Variants in ZFPM1 observed in about 807,000 individuals in gnomAD.
The protein encoded by ZFPM1 is zinc finger protein ZFPM1.
A neutral mutation model predicts 46.3 loss-of-function variants in ZFPM1; 28 were observed. The observed-to-expected ratio is 0.60, with a 90% confidence interval of 0.45 to 0.83. The LOEUF is 0.83. Among genes scored for constraint, ZFPM1 ranks in the 40% least tolerant of loss-of-function variants. ZFPM1 has a pLI of 0.00. For synonymous variants in ZFPM1, 957 were observed against 675.9 expected (o/e 1.42, Z -6.45); for missense variants, 1,878 against 1,432.4 (o/e 1.31, Z -5.02).
intron 1 of ZFPM1, among the ~76,000 whole-genome samples, chr16:88,478,369 G>C (rs899439931): frequency 6.6e-6 from 1 of 152,234 alleles, no homozygotes; most frequent in African/African-American, 2.4e-5. Context: ...GCCAGGGGTG[G>C]GGCTGCTGCA....
Position 88,534,142 on chromosome 16 carries a change from G to A in ZFPM1, c.2184G>A (p.Ala728=), listed in dbSNP as rs1360055051. 4 of 998,414 alleles carry A rather than the reference G, an allele frequency of 4.0e-6. No homozygotes were observed. Among genetic ancestry groups the A allele is most frequent in the Non-Finnish European group, 3.6e-6 (3 of 843,148 alleles). The allele number at this position is 998,414 out of a possible 1,614,324, so 61.8% of individuals were successfully genotyped here. The change falls in exon 10 of 10, where the codon GCG becomes GCA. Residue 728 remains alanine (A), a synonymous_variant. Transcript: ENST00000319555. The part of the protein sequence containing the change: ...AAPPGPPGPA[A]PPAPSPAAPV... ...CCCCGGGACCCCCTGGGCCGGCCGCGCCCCCGGCCCCCTCTCCCGCCGCGC... is the reference window on the plus strand; with the variant it reads ...CCCCGGGACCCCCTGGGCCGGCCGCACCCCCGGCCCCCTCTCCCGCCGCGC...
rs765381904 is a variant in ZFPM1 at position 88,532,677 on chromosome 16, G to A, written c.1010G>A (p.Arg337Gln). ...SAFTTKANCE[R>Q]HLKVHTDTLS... ...TTCACCACCAAGGCCAACTGCGAGC[G>A]GCACCTCAAGGTGCACACGGACACG... The change falls in exon 8 of 10, where the codon CGG becomes CAG. Residue 337 changes from arginine to glutamine, a missense_variant. Coordinates refer to ENST00000319555, the MANE Select transcript of ZFPM1 (RefSeq NM_153813.3). 3.1e-6 allele frequency: 5 copies of A among 1,606,170 alleles called. No homozygotes were observed. Among genetic ancestry groups the A allele is most frequent in the Admixed American group, 1.7e-5 (1 of 58,844 alleles).
chr16:88,532,465 G>A lies in ZFPM1; in HGVS notation c.947-149G>A, dbSNP rs570475726. 1.6e-4 allele frequency: 142 copies of A among 889,678 alleles called. No homozygotes were observed. The Middle Eastern group carries it at 3.2e-3, about 20-fold the overall frequency. The allele number at this position is 889,678 out of a possible 1,614,324, so 55.1% of individuals were successfully genotyped here. ...CCCACTGCTGTCCCGAGAGACAAAAGGCGGAGGAGGAGGAGGAGGGGTTTA... is the reference window on the plus strand; with the variant it reads ...CCCACTGCTGTCCCGAGAGACAAAAAGCGGAGGAGGAGGAGGAGGGGTTTA... On this transcript the variant is annotated intron_variant, in intron 7 of 9. Transcript: ENST00000319555.
chr16:88,500,939 G>A (rs897212420), intron 3 of ZFPM1, among the ~76,000 whole-genome samples: 1 of 152,236 alleles, frequency 6.6e-6, no homozygotes, highest in African/African-American at 2.4e-5. Context: ...CCCTCCCTGT[G>A]GGGGTGCAGC....
chr16:88,531,775 G>C (rs988423227), intron 6 of ZFPM1, among the ~76,000 whole-genome samples: 7 of 152,182 alleles, frequency 4.6e-5, no homozygotes, highest in Non-Finnish European at 7.3e-5. Context: ...GGTTCACTCA[G>C]ACCCCACTCC....
At chr16:88,505,164 T>G (rs117345530) in intron 3 of ZFPM1, among the ~76,000 whole-genome samples, 13,283 of 152,186 alleles carry the variant, frequency 0.087, 708 homozygotes, top group African/African-American at 0.14. Context: ...CCTTCCTGCC[T>G]CTCCCTCGCC....
At position 88,536,485 on chromosome 16, in the gene ZFPM1, C is replaced by G. The variant is rs1913250270; in HGVS notation, c.*1506C>G. 6.6e-6 allele frequency: 1 copy of G among 152,266 alleles called. No homozygotes were observed. Among genetic ancestry groups the G allele is most frequent in the Non-Finnish European group, 1.5e-5 (1 of 68,052 alleles). 9.4% of individuals were successfully genotyped at this position (152,266 alleles called of 1,614,324 possible). ...TACCATTCCCAGCCCATTTCCAACT[C>G]TACTTGAACTAGCTGCATTTTTTTC... is the stretch of plus-strand genomic sequence containing the variant. On this transcript the variant is annotated 3_prime_UTR_variant, in exon 10 of 10. Transcript: ENST00000319555.
chr16:88,503,328 G>C (rs535971167), intron 3 of ZFPM1, among the ~76,000 whole-genome samples: 30 of 145,580 alleles, frequency 2.1e-4, no homozygotes, highest in African/African-American at 7.5e-4. Flanking sequence ...TTCCTGAGTG[G>C]AGGGATCTGT....
intron 3 of ZFPM1, among the ~76,000 whole-genome samples, chr16:88,499,078 T>C (rs1228411350): frequency 6.6e-6 from 1 of 152,250 alleles, no homozygotes; most frequent in East Asian, 1.9e-4. Context: ...CTCCCCTTCC[T>C]TCATCCCCAG....
intron 1 of ZFPM1, among the ~76,000 whole-genome samples, chr16:88,466,905 C>A (rs1908158701): frequency 6.6e-6 from 1 of 152,000 alleles, no homozygotes; most frequent in Admixed American, 6.6e-5. Context: ...GGAATTAGGG[C>A]AGAAGTGGGT....
At chr16:88,462,235 G>T (rs79247579) in intron 1 of ZFPM1, among the ~76,000 whole-genome samples, 3,683 of 152,306 alleles carry the variant, frequency 0.024, 140 homozygotes, top group African/African-American at 0.084. Flanking sequence ...CTGTGAAATG[G>T]GTGTTGGGGG....
chr16:88,486,175 T>C, intron 2 of ZFPM1, 132 bp downstream of exon 2: 1 of 963,298 alleles, frequency 1.0e-6, no homozygotes, highest in East Asian at 2.7e-5. Flanking sequence ...GACAGGCGTC[T>C]TCCAGCCAGA....
chr16:88,462,616 C>T (rs764289481), intron 1 of ZFPM1, among the ~76,000 whole-genome samples: 1 of 152,186 alleles, frequency 6.6e-6, no homozygotes, highest in Non-Finnish European at 1.5e-5. Context: ...GCAGCCACCG[C>T]GGGCTTCCGG....
At chr16:88,503,706 G>A (rs1910503488) in intron 3 of ZFPM1, among the ~76,000 whole-genome samples, 1 of 152,190 alleles carries the variant, frequency 6.6e-6, no homozygotes, top group Non-Finnish European at 1.5e-5. Flanking sequence ...TTTAGAAGAG[G>A]AGACACATTC....
rs990429969 is a variant in ZFPM1, at chr16:88,533,699, G to C, written c.1741G>C (p.Glu581Gln). 8.6e-6 allele frequency: 13 copies of C among 1,509,214 alleles called. No homozygotes were observed. Among genetic ancestry groups the C allele is most frequent in the Non-Finnish European group, 1.2e-5 (13 of 1,123,606 alleles). The allele number at this position is 1,509,214 out of a possible 1,614,324, so 93.5% of individuals were successfully genotyped here. Residue 581 changes from glutamate (E) to glutamine (Q), a missense_variant, in exon 10 of 10, where the codon GAG (glutamate) becomes CAG (glutamine). Coordinates refer to ENST00000319555, the MANE Select transcript of ZFPM1 (RefSeq NM_153813.3). ...GGCCCCCAAGGGCGCTACGTGCTTC[G>C]AGTGCGAGATCACCTTCAGCAACGT... ...PGAPKGATCF[E>Q]CEITFSNVNN...
intron 1 of ZFPM1, among the ~76,000 whole-genome samples, chr16:88,456,070 C>T (rs1399083046): frequency 6.6e-6 from 1 of 152,218 alleles, no homozygotes; most frequent in African/African-American, 2.4e-5. Flanking sequence ...GGGCTTGGAA[C>T]GGCCCGGGTT....
chr16:88,525,275 GA>G (rs1191724239), intron 4 of ZFPM1, among the ~76,000 whole-genome samples: 1 of 152,228 alleles, frequency 6.6e-6, no homozygotes, highest in Non-Finnish European at 1.5e-5. Context: ...CAAAGTCCAG[GA>G]AAGCTCATGG....
intron 7 of ZFPM1, 55 bp downstream of exon 7, chr16:88,532,290 G>C (rs1912850625): frequency 1.3e-6 from 2 of 1,497,278 alleles, no homozygotes; most frequent in Admixed American, 2.1e-5. Context: ...TCCCCACCCA[G>C]TCCCGCAGGC....
intron 4 of ZFPM1, among the ~76,000 whole-genome samples, chr16:88,523,341 GAC>G (rs958162511): frequency 3.9e-5 from 6 of 152,196 alleles, no homozygotes; most frequent in African/African-American, 1.2e-4. Context: ...AACAAGAAGA[GAC>G]AGAAAAAAAT....
Sources: allele counts gnomAD v4.1 joint callset (sites outside exome capture counted in the v4.1 genomes callset), GRCh38; gene constraint gnomAD v4.1.1; transcripts MANE v1.5; gene names NCBI Gene and HGNC (gene_info 2026-07-23, HGNC 2026-07-21).